Variants in YJU2 observed in about 807,000 individuals in gnomAD.
YJU2 encodes splicing factor YJU2.
Under a neutral mutation model 39.6 loss-of-function variants are expected in YJU2, and 28 were observed. That is an observed-to-expected ratio of 0.71 (90% CI 0.52 to 0.97). YJU2 has a LOEUF of 0.97. YJU2 is among the 50% of genes least tolerant of loss of function. YJU2 has a pLI of 0.00. For missense variants in YJU2, 328 were observed against 430.4 expected, an observed-to-expected ratio of 0.76 and a Z score of 2.11; for synonymous variants, 184 against 182.4, an observed-to-expected ratio of 1.01 and a Z score of -0.07.
At chr19:4,251,424 C>T (rs942339319) in intron 3 of YJU2, among the ~76,000 whole-genome samples, 10 of 152,150 alleles carry the variant, frequency 6.6e-5, no homozygotes, top group African/African-American at 2.4e-4. Flanking sequence ...GGGCATGGCT[C>T]ACACCTGTAC....
At chr19:4,265,288 C>T (rs1223321547) in intron 6 of YJU2, among the ~76,000 whole-genome samples, 23 of 152,080 alleles carry the variant, frequency 1.5e-4, no homozygotes, top group Non-Finnish European at 2.9e-5. Context: ...TGCTCTGTCA[C>T]CCAGGCTGGA....
rs148533289 is a variant in YJU2, at chr19:4,262,037, T to C, written c.631T>C (p.Ser211Pro). 6.2e-7 allele frequency: 1 copy of C among 1,613,136 alleles called. No homozygotes were observed. Among genetic ancestry groups the C allele is most frequent in the Non-Finnish European group, 8.5e-7 (1 of 1,179,942 alleles). Residue 211 changes from serine to proline, a missense_variant, in exon 6 of 8, where the codon TCC becomes CCC. Physicochemically the swap from Ser to Pro is moderately conservative, Grantham distance 74 (BLOSUM62 -1). This residue lies in a region of YJU2 where 244 missense variants were observed against 264.6 expected (regional missense o/e 0.92). Transcript: ENST00000262962. The part of the protein sequence containing the change: ...EARKRRLLED[S>P]DSEDEAAPSP... ...CAGAAAGCGAAGACTGCTGGAGGAC[T>C]CCGACTCAGAGGATGAGGCTGCTCC... is the stretch of plus-strand genomic sequence containing the variant.
rs1970999976 is a variant in YJU2, at chr19:4,254,206, C to T, written c.271-149C>T. The T allele has an allele frequency of 4.3e-6, 3 of 692,690 alleles. No homozygotes were observed. In the Admixed American group the frequency reaches 8.3e-5, roughly 19 times the overall value. 42.9% of individuals were successfully genotyped at this position (692,690 alleles called of 1,614,324 possible). A position where few individuals can be genotyped will look rare whatever the true frequency, so the allele number is the denominator to read the frequency against. ...GATGGGAGGAGCACTAGGAAGAAAT[C>T]TCACCAGTCAAAGCAATAAGACAAG... is the stretch of plus-strand genomic sequence containing the variant. On this transcript the variant is annotated intron_variant, in intron 3 of 7. Coordinates refer to ENST00000262962, the MANE Select transcript of YJU2 (RefSeq NM_018074.6).
intron 6 of YJU2, among the ~76,000 whole-genome samples, chr19:4,262,748 A>C (rs576958487): frequency 6.6e-6 from 1 of 151,912 alleles, no homozygotes; most frequent in South Asian, 2.1e-4. Flanking sequence ...TTCTTTACAA[A>C]ATTACAAAAA....
chr19:4,253,503 C>A (rs1970994521), intron 3 of YJU2, among the ~76,000 whole-genome samples: 1 of 151,814 alleles, frequency 6.6e-6, no homozygotes, highest in Non-Finnish European at 1.5e-5. Context: ...ATTGCTTGAA[C>A]CCGGGAGGCT....
intron 1 of YJU2, 28 bp from the exon 2 acceptor site, chr19:4,249,200 C>A (rs764051126): frequency 6.7e-7 from 1 of 1,495,058 alleles, no homozygotes; most frequent in Admixed American, 1.7e-5. Flanking sequence ...GAAAATAACT[C>A]CCCCAACGTT....
At chr19:4,262,903 C>T (rs1190917110) in intron 6 of YJU2, among the ~76,000 whole-genome samples, 1 of 151,630 alleles carries the variant, frequency 6.6e-6, no homozygotes, top group Non-Finnish European at 1.5e-5. Flanking sequence ...GAGACCCTGT[C>T]TAAAATAAAC....
intron 4 of YJU2, among the ~76,000 whole-genome samples, chr19:4,256,116 G>A (rs1971017154): frequency 6.7e-6 from 1 of 148,252 alleles, no homozygotes; most frequent in African/African-American, 2.5e-5. Flanking sequence ...TGAGGCTGCA[G>A]TTAGCTATGA....
At chr19:4,247,841 G>A (rs1385328512) in intron 1 of YJU2, among the ~76,000 whole-genome samples, 1 of 151,768 alleles carries the variant, frequency 6.6e-6, no homozygotes, top group Non-Finnish European at 1.5e-5. Context: ...CAGAGGTTCA[G>A]TATAAACTAT....
intron 2 of YJU2, 117 bp from the exon 3 acceptor site, chr19:4,250,910 G>A (rs1970970757): frequency 8.9e-7 from 1 of 1,128,804 alleles, no homozygotes; most frequent in South Asian, 1.5e-5. Context: ...CTTGAAGGAG[G>A]GAGCTCCCCG....
chr19:4,258,361 G>A lies in YJU2; in HGVS notation c.525G>A (p.Gln175=), dbSNP rs766284713. The change falls in exon 5 of 8, where the codon CAG becomes CAA. Residue 175 remains glutamine (Q), a synonymous_variant. Transcript: ENST00000262962. ...TGGACTTCGAGGCTATGCTGAGGCA[G>A]CACCGCCTGTCGGAGGAGGAGCGGC... The part of the protein sequence containing the change: ...AHVDFEAMLR[Q]HRLSEEERRR... The A allele has an allele frequency of 2.5e-6, 4 of 1,596,026 alleles. No individual in the cohort carries two copies. The Admixed American group carries it at 5.3e-5, about 21-fold the overall frequency.
chr19:4,268,709 C>A lies in YJU2; in HGVS notation c.*13C>A. ...CGGCAGCAACTGAGCCCTCCCAGGA[C>A]CCCCTCACGGGGTCAAAGTCACACG... On this transcript the variant is annotated 3_prime_UTR_variant, in exon 8 of 8. Transcript: ENST00000262962. 1.9e-6 allele frequency: 3 copies of A among 1,588,984 alleles called. No individual in the cohort carries two copies. Among genetic ancestry groups the A allele is most frequent in the East Asian group, 2.2e-5 (1 of 44,586 alleles).
chr19:4,258,744 A>G (rs1318591236), intron 5 of YJU2, among the ~76,000 whole-genome samples: 1 of 152,194 alleles, frequency 6.6e-6, no homozygotes, highest in East Asian at 1.9e-4. Context: ...GGAGCTTCGC[A>G]GGACGCGCCT....
At chr19:4,247,689 G>C (rs1244508326) in intron 1 of YJU2, among the ~76,000 whole-genome samples, 1 of 135,062 alleles carries the variant, frequency 7.4e-6, no homozygotes, top group Non-Finnish European at 1.6e-5. Flanking sequence ...GTGTGTGTGT[G>C]TGTGTGTGTT....
chr19:4,249,867 CG>C (rs1221105294), intron 2 of YJU2, among the ~76,000 whole-genome samples: 1 of 152,048 alleles, frequency 6.6e-6, no homozygotes, highest in Non-Finnish European at 1.5e-5. Flanking sequence ...CCACCACGCC[CG>C]GCTAATTTTT....
At chr19:4,251,259 C>A in intron 3 of YJU2, 88 bp downstream of exon 3, 1 of 1,259,234 alleles carries the variant, frequency 7.9e-7, no homozygotes, top group South Asian at 1.3e-5. Context: ...CTCCAATCCT[C>A]TCCATCCAGG....
chr19:4,255,727 CAAAAAAAAAAA>C (rs58736061), intron 4 of YJU2, among the ~76,000 whole-genome samples: 1 of 103,744 alleles, frequency 9.6e-6, no homozygotes, highest in Non-Finnish European at 2.2e-5. Context: ...GATTCTGTGT[CAAAAAAAAAAA>C]AAAAAAAAAA....
At position 4,251,208 on chromosome 19, in the gene YJU2, C is replaced by G. The variant is rs1011822089; in HGVS notation, c.270+37C>G. The G allele has an allele frequency of 4.4e-6, 7 of 1,606,738 alleles. No homozygotes were observed. In the Admixed American group the frequency reaches 8.3e-5, roughly 19 times the overall value. On this transcript the variant is annotated intron_variant, in intron 3 of 7. Transcript: ENST00000262962. The stretch of plus-strand genomic sequence containing the variant: ...GGCCGGCCAGGCCGGTCCCTCTCCC[C>G]CAGCACACCTCAGATCAGGGCGGGC...
Position 4,258,324 on chromosome 19 carries a change from G to T in YJU2, c.488G>T (p.Arg163Leu). The T allele has an allele frequency of 1.3e-6, 2 of 1,580,004 alleles. No homozygotes were observed. The highest frequency in any genetic ancestry group is 1.7e-6 in the Non-Finnish European group (2 of 1,163,974). ...NLQELKDLNQ[R>L]QAHVDFEAML... ...CAGGAGCTGAAAGACCTGAACCAGC[G>T]GCAGGCGCACGTGGACTTCGAGGCT... is the stretch of plus-strand genomic sequence containing the variant. The change falls in exon 5 of 8, where the codon CGG (arginine) becomes CTG (leucine). Residue 163 changes from arginine to leucine, a missense_variant. By Grantham distance (102) the Arg-to-Leu change is moderately radical. Coordinates refer to ENST00000262962, the MANE Select transcript of YJU2 (RefSeq NM_018074.6).
Sources: gnomAD v4.1 joint callset for allele counts (sites outside exome capture counted in the v4.1 genomes callset) on GRCh38, gnomAD v4.1.1 for gene constraint, gnomAD v4.1.1 regional missense constraint, MANE v1.5 for transcripts, NCBI Gene and HGNC (gene_info 2026-07-23, HGNC 2026-07-21) for gene names.